SYDE2: variants seen among roughly 807,000 people sequenced by gnomAD.
SYDE2 encodes the protein rho GTPase-activating protein SYDE2.
Under a neutral mutation model 91.5 loss-of-function variants are expected in SYDE2, and 76 were observed. The ratio of observed to expected loss-of-function variants is 0.83; its 90% CI spans 0.69 to 1.01. The LOEUF (loss-of-function observed/expected upper bound fraction) is 1.01, where lower values mean the gene tolerates loss of function less well. SYDE2 is among the 50% of genes least tolerant of loss of function. The pLI is 0.00. For missense variants in SYDE2, 1,364 were observed against 1,367.7 expected (o/e 1.00, Z 0.04); for synonymous variants, 513 against 506.4 (o/e 1.01, Z -0.18).
intron 3 of SYDE2, 61 bp downstream of exon 3, chr1:85,182,037 C>G (rs1351691816): frequency 1.4e-6 from 2 of 1,460,504 alleles, no homozygotes; most frequent in African/African-American, 1.4e-5. Context: ...ATTTCTTCCC[C>G]CAAGACTTAC....
rs1458253552 is a variant in SYDE2, at chr1:85,190,375, T to C, written c.1123A>G (p.Ile375Val). The part of the protein sequence containing the change: ...DDEGEIWYNP[I>V]PEDDDLGISS... ...ATACCAAGGTCATCATCCTCAGGAA[T>C]GGGATTGTACCATATTTCTCCTTCA... Residue 375 changes from isoleucine (I) to valine (V), a missense_variant, in exon 2 of 7, where the codon ATT becomes GTT. By Grantham distance (29) the Ile-to-Val change is conservative. Coordinates refer to ENST00000341460, the MANE Select transcript of SYDE2 (RefSeq NM_032184.2). 2 of 1,613,934 alleles carry C rather than the reference T, an allele frequency of 1.2e-6. No homozygotes were observed. Among genetic ancestry groups the C allele is most frequent in the Non-Finnish European group, 1.7e-6 (2 of 1,179,862 alleles).
Position 85,200,578 on chromosome 1 carries a change from G to C in SYDE2, c.419C>G (p.Thr140Ser). The C allele has an allele frequency of 6.3e-7, 1 of 1,592,616 alleles. No individual in the cohort carries two copies. The change falls in exon 1 of 7, where the codon ACC (threonine) becomes AGC (serine). Residue 140 changes from threonine (T) to serine (S), a missense_variant. By Grantham distance (58) the Thr-to-Ser change is moderately conservative. Coordinates refer to ENST00000341460, the MANE Select transcript of SYDE2 (RefSeq NM_032184.2). ...CTTGCAGCCTGGAGGCTGGAGGCCG[G>C]TGGGTGCAGCCGCCCGGGCGCGGTC... ...SGDRARAAAP[T>S]GLQPPGCKDH...
Position 85,200,992 on chromosome 1 carries a change from T to C in SYDE2, c.5A>G (p.His2Arg). Reference sequence around the variant, plus strand: ...CGCGCCCGAGTCAGGGGGCAGGTCGTGCATGGCCTGGATCAGCAGATAATA... The same window carrying C: ...CGCGCCCGAGTCAGGGGGCAGGTCGCGCATGGCCTGGATCAGCAGATAATA... M[H>R]DLPPDSGARR... Residue 2 changes from histidine to arginine, a missense_variant, in exon 1 of 7, where the codon CAC becomes CGC. Physicochemically the swap from His to Arg is conservative, Grantham distance 29 (BLOSUM62 0). Transcript: ENST00000341460. The C allele has an allele frequency of 7.7e-7, 1 of 1,302,274 alleles. No individual in the cohort carries two copies. Among genetic ancestry groups the C allele is most frequent in the Non-Finnish European group, 9.7e-7 (1 of 1,033,734 alleles). 80.7% of individuals were successfully genotyped at this position (1,302,274 alleles called of 1,614,324 possible).
rs1656919999 is a variant in SYDE2, at chr1:85,157,919, CTGT to C, written c.*828_*830del. On this transcript the variant is annotated 3_prime_UTR_variant, in exon 7 of 7. Coordinates refer to ENST00000341460, the MANE Select transcript of SYDE2 (RefSeq NM_032184.2). ...TAATTTTTATAAGCTTAAATAATTA[CTGT>C]TAATACAGAAAACATTAATACTTGT... is the stretch of plus-strand genomic sequence containing the variant. 2.0e-5 allele frequency: 3 copies of C among 152,032 alleles called. No homozygotes were observed. Among genetic ancestry groups the C allele is most frequent in the African/African-American group, 7.2e-5 (3 of 41,392 alleles). 9.4% of individuals were successfully genotyped at this position (152,032 alleles called of 1,614,324 possible). A position where few individuals can be genotyped will look rare whatever the true frequency, so the allele number is the denominator to read the frequency against.
intron 5 of SYDE2, among the ~76,000 whole-genome samples, chr1:85,166,590 A>C (rs879263224): frequency 6.6e-6 from 1 of 152,160 alleles, no homozygotes; most frequent in Non-Finnish European, 1.5e-5. Flanking sequence ...GCTGGAATAA[A>C]TAGCCCTTCA....
At chr1:85,197,040 C>T (rs1392301452) in intron 1 of SYDE2, among the ~76,000 whole-genome samples, 2 of 152,066 alleles carry the variant, frequency 1.3e-5, no homozygotes, top group Non-Finnish European at 2.9e-5. Flanking sequence ...GAATTTGTTT[C>T]TGAAAACTAT....
chr1:85,170,353 T>G (rs1231010071), intron 4 of SYDE2, among the ~76,000 whole-genome samples: 3 of 152,128 alleles, frequency 2.0e-5, no homozygotes, highest in African/African-American at 7.2e-5. Flanking sequence ...TCCCACCTTA[T>G]TCTCCCAGAG....
chr1:85,160,454 G>A (rs1657019858), intron 6 of SYDE2: 1 of 941,548 alleles, frequency 1.1e-6, no homozygotes, highest in African/African-American at 1.8e-5. Context: ...TATCACTATA[G>A]ATAGCCAAAA....
chr1:85,178,988 A>G (rs535355776), intron 3 of SYDE2, among the ~76,000 whole-genome samples: 1 of 152,288 alleles, frequency 6.6e-6, no homozygotes, highest in African/African-American at 2.4e-5. Context: ...ACACTGTCAT[A>G]CAGGTTCTAA....
intron 4 of SYDE2, among the ~76,000 whole-genome samples, chr1:85,171,606 C>A (rs1657510773): frequency 1.3e-5 from 2 of 152,112 alleles, no homozygotes; most frequent in South Asian, 4.2e-4. Context: ...GCCAGCCATA[C>A]TAAATCATAA....
Position 85,158,637 on chromosome 1 carries a change from T to C in SYDE2, c.*113A>G, listed in dbSNP as rs575245216. 3.6e-6 allele frequency: 2 copies of C among 560,732 alleles called. No homozygotes were observed. Among genetic ancestry groups the C allele is most frequent in the East Asian group, 3.1e-5 (1 of 32,508 alleles). The allele number at this position is 560,732 out of a possible 1,614,324, so 34.7% of individuals were successfully genotyped here. ...TTGAATCAGATAAACTTATTAAAAA[T>C]TAATTAAAGATTTCAAGAGTAAAAA... On this transcript the variant is annotated 3_prime_UTR_variant, in exon 7 of 7. Transcript: ENST00000341460.
At chr1:85,160,969 A>G (rs2100642955) in intron 6 of SYDE2, 1 of 980,056 alleles carries the variant, frequency 1.0e-6, no homozygotes, top group African/African-American at 1.7e-5. Flanking sequence ...TATCTTTTAG[A>G]CTAAAAATTT....
intron 1 of SYDE2, among the ~76,000 whole-genome samples, chr1:85,192,350 G>C (rs890197997): frequency 6.6e-6 from 1 of 152,188 alleles, no homozygotes; most frequent in Non-Finnish European, 1.5e-5. Context: ...TGAGGCTGCA[G>C]TGAGCTATGA....
chr1:85,180,285 G>T (rs1657861433), intron 3 of SYDE2, among the ~76,000 whole-genome samples: 1 of 152,120 alleles, frequency 6.6e-6, no homozygotes, highest in South Asian at 2.1e-4. Flanking sequence ...TAAGCAGTAT[G>T]CCAGTCTGTA....
chr1:85,159,629 A>T (rs1294341213), intron 6 of SYDE2, among the ~76,000 whole-genome samples: 2 of 152,226 alleles, frequency 1.3e-5, no homozygotes, highest in Non-Finnish European at 2.9e-5. Context: ...TTGGTGTACA[A>T]ACAAAATATA....
In SYDE2 at chr1:85,190,107, T is replaced by C; in HGVS notation, c.1391A>G (p.Gln464Arg). The change falls in exon 2 of 7, where the codon CAA becomes CGA. Residue 464 changes from glutamine (Q) to arginine (R), a missense_variant. Physicochemically the swap from Gln to Arg is conservative, Grantham distance 43. Transcript: ENST00000341460. ...ACTGTCCTCCACCATTATACCTTCT[T>C]GTGTCTTGTGTCCTAGCTTTTGCTT... ...QYKQKLGHKT[Q>R]EGIMVEDSPM... 1 of 1,613,894 alleles carries C rather than the reference T, an allele frequency of 6.2e-7. No homozygotes were observed. Among genetic ancestry groups the C allele is most frequent in the East Asian group, 2.2e-5 (1 of 44,884 alleles).
At chr1:85,161,702 G>A (rs1657065297) in intron 6 of SYDE2, among the ~76,000 whole-genome samples, 1 of 149,314 alleles carries the variant, frequency 6.7e-6, no homozygotes, top group African/African-American at 2.5e-5. Flanking sequence ...CTCCAACCTG[G>A]GCGACACAGT....
chr1:85,185,798 T>C (rs1443995559), intron 2 of SYDE2, among the ~76,000 whole-genome samples: 1 of 151,930 alleles, frequency 6.6e-6, no homozygotes, highest in Admixed American at 6.6e-5. Flanking sequence ...TATTTCCTTC[T>C]CCTGCCTAAT....
At chr1:85,183,797 A>G (rs1658026630) in intron 2 of SYDE2, among the ~76,000 whole-genome samples, 5 of 152,168 alleles carry the variant, frequency 3.3e-5, no homozygotes. Flanking sequence ...GTCTATAAAC[A>G]TCAATCTGTC....
Sources: allele counts gnomAD v4.1 joint callset (sites outside exome capture counted in the v4.1 genomes callset), GRCh38; gene constraint gnomAD v4.1.1; transcripts MANE v1.5; gene names NCBI Gene and HGNC (gene_info 2026-07-23, HGNC 2026-07-21).